Variants in TTN observed in about 807,000 individuals in gnomAD.
TTN encodes connectin.
A neutral mutation model predicts 3,223.0 loss-of-function variants in TTN; 1,525 were observed. The observed-to-expected ratio is 0.47, with a 90% CI of 0.45 to 0.49. The LOEUF (loss-of-function observed/expected upper bound fraction) is 0.49, where lower values mean the gene tolerates loss of function less well. TTN is among the 20% of genes least tolerant of loss of function. The pLI is 0.00. For missense variants in TTN, 40,786 were observed against 43,424.0 expected (o/e 0.94, Z 5.40); for synonymous variants, 14,094 against 15,161.0 (o/e 0.93, Z 5.17).
chr2:178,769,464 G>T (rs2091119383), intron 37 of TTN, among the ~76,000 whole-genome samples: 1 of 150,986 alleles, frequency 6.6e-6, no homozygotes. Context: ...GGATCTCATT[G>T]TATTTCCCAG....
Position 178,539,119 on chromosome 2 carries a change from G to A in TTN, c.98816C>T (p.Thr32939Ile), listed in dbSNP as rs1559083229. The change falls in exon 353 of 363, where the codon ACA (threonine) becomes ATA (isoleucine). Residue 32939 changes from threonine to isoleucine, a missense_variant. By Grantham distance (89) the Thr-to-Ile change is moderately conservative. Coordinates refer to ENST00000589042, the MANE Select transcript of TTN (RefSeq NM_001267550.2). ...VTGYYIERKE[T>I]STDKWVRHNK... The stretch of plus-strand genomic sequence containing the variant: ...GTGTCTGACCCACTTGTCAGTGGAT[G>A]TCTCTTTGCGTTCGATGTAGTAGCC... 2.5e-6 allele frequency: 4 copies of A among 1,613,808 alleles called. No homozygotes were observed. Among genetic ancestry groups the A allele is most frequent in the South Asian group, 1.1e-5 (1 of 91,088 alleles).
rs760422669 is a variant in TTN at position 178,593,010 on chromosome 2, T to A, written c.59109A>T (p.Pro19703=). The change falls in exon 300 of 363, where the codon CCA becomes CCT. Residue 19703 remains proline (P), a synonymous_variant. Transcript: ENST00000589042. Reference sequence around the variant, plus strand: ...TCTTGCTCCCACCATCATGACGTGGTGGCTGCCAAGTTAGATCGACTGAAT... The same window carrying A: ...TCTTGCTCCCACCATCATGACGTGGAGGCTGCCAAGTTAGATCGACTGAAT... The part of the protein sequence containing the change: ...TCNSVDLTWQ[P]PRHDGGSKIL... 15 of 1,613,494 alleles carry A rather than the reference T, an allele frequency of 9.3e-6. No individual in the cohort carries two copies. Among genetic ancestry groups the A allele is most frequent in the Non-Finnish European group, 1.3e-5 (15 of 1,179,630 alleles).
chr2:178,718,996 G>A (rs747949357), intron 83 of TTN, 23 bp from the exon 84 acceptor site: 1 of 1,555,082 alleles, frequency 6.4e-7, no homozygotes, highest in Non-Finnish European at 8.7e-7. Context: ...AGGCGGAAGG[G>A]GAGATAAAGA....
chr2:178,609,396 T>C lies in TTN; in HGVS notation c.51914A>G (p.Lys17305Arg). Residue 17305 changes from lysine to arginine, a missense_variant, in exon 273 of 363, where the codon AAG (lysine) becomes AGG (arginine). Physicochemically the swap from Lys to Arg is conservative, Grantham distance 26. Transcript: ENST00000589042. ...KRAAPLVRRR[K>R]GEVQEEEPFV... ...TGGTTCTTCTTCTTGAACTTCACCC[T>C]TCCTTCTCCTAACCAAGGGTGCTGC... is the stretch of plus-strand genomic sequence containing the variant. The C allele has an allele frequency of 6.2e-7, 1 of 1,612,330 alleles. No homozygotes were observed. The highest frequency in any genetic ancestry group is 8.5e-7 in the Non-Finnish European group (1 of 1,179,026).
Position 178,732,246 on chromosome 2 carries a change from T to A in TTN, c.16723A>T (p.Ile5575Leu). 2 of 1,613,844 alleles carry A rather than the reference T, an allele frequency of 1.2e-6. No individual in the cohort carries two copies. The highest frequency in any genetic ancestry group is 1.7e-6 in the Non-Finnish European group (2 of 1,179,780). ...CKVTGTPPIKITWFANDREIK... is the reference protein window; with the variant it reads ...CKVTGTPPIKLTWFANDREIK... ...TCTCTATCATTTGCAAACCATGTTA[T>A]TTTAATTGGAGGGGTACCAGTTACT... The change falls in exon 57 of 363, where the codon ATA becomes TTA. Residue 5575 changes from isoleucine to leucine, a missense_variant. Transcript: ENST00000589042.
intron 47 of TTN, chr2:178,746,130 T>C (rs779988596): frequency 1.9e-6 from 3 of 1,613,326 alleles, no homozygotes; most frequent in Non-Finnish European, 2.5e-6. Context: ...TATTTAATAT[T>C]ATCTGGCTCA....
At chr2:178,756,146 T>C (rs1198227127) in intron 46 of TTN, 76 bp downstream of exon 46, 3 of 1,106,554 alleles carry the variant, frequency 2.7e-6, no homozygotes, top group Non-Finnish European at 3.9e-6. Flanking sequence ...ATTCGTCGAT[T>C]GAATTTGCAT....
rs1349281831 is a variant in TTN, at chr2:178,766,481, T to G, written c.9603A>C (p.Arg3201Ser). Residue 3201 changes from arginine (R) to serine (S), a missense_variant, in exon 41 of 363, where the codon AGA (arginine) becomes AGC (serine). Coordinates refer to ENST00000589042, the MANE Select transcript of TTN (RefSeq NM_001267550.2). Reference sequence around the variant, plus strand: ...TCTCAGAGATAAACATTCGGTGGATTCTTCTTTCCACTACATATTTGTGTC... The same window carrying G: ...TCTCAGAGATAAACATTCGGTGGATGCTTCTTTCCACTACATATTTGTGTC... ...QERHKYVVER[R>S]IHRMFISETR... is the part of the protein sequence containing the mutation. 6.2e-7 allele frequency: 1 copy of G among 1,614,138 alleles called. No homozygotes were observed. Among genetic ancestry groups the G allele is most frequent in the Admixed American group, 1.7e-5 (1 of 60,022 alleles).
In TTN at chr2:178,698,916, TAAAAAAAAAA is replaced by T; in HGVS notation, c.30683-12_30683-3del. ...CTTTCTTCACAGCCTTTTTGGTAAC[TAAAAAAAAAA>T]AAAAAGAAAAAAAAAGAAAAAATAT... On this transcript the variant is annotated splice_polypyrimidine_tract_variant and splice_region_variant and intron_variant, in intron 111 of 362. Coordinates refer to ENST00000589042, the MANE Select transcript of TTN (RefSeq NM_001267550.2). The T allele has an allele frequency of 3.0e-6, 4 of 1,313,996 alleles. No homozygotes were observed. Among genetic ancestry groups the T allele is most frequent in the South Asian group, 1.6e-5 (1 of 63,810 alleles). 81.4% of individuals were successfully genotyped at this position (1,313,996 alleles called of 1,614,324 possible).
rs1060500498 is a variant in TTN at position 178,570,807 on chromosome 2, G to A, written c.75325C>T (p.Pro25109Ser). Reference protein sequence around the residue: ...AITARDEVDPPRISMDPKYKD... With the variant: ...AITARDEVDPSRISMDPKYKD... Reference sequence around the variant, plus strand: ...TATTTTGGATCCATACTTATTCGTGGTGGATCTACCTCATCTCTAGCTGTT... The same window carrying A: ...TATTTTGGATCCATACTTATTCGTGATGGATCTACCTCATCTCTAGCTGTT... Residue 25109 changes from proline (P) to serine (S), a missense_variant, in exon 326 of 363, where the codon CCA becomes TCA. Coordinates refer to ENST00000589042, the MANE Select transcript of TTN (RefSeq NM_001267550.2). 6.2e-7 allele frequency: 1 copy of A among 1,613,490 alleles called. No homozygotes were observed. Among genetic ancestry groups the A allele is most frequent in the African/African-American group, 1.3e-5 (1 of 74,964 alleles).
At chr2:178,637,949 T>C (rs1169046315) in intron 223 of TTN, among the ~76,000 whole-genome samples, 1 of 152,010 alleles carries the variant, frequency 6.6e-6, no homozygotes, top group Non-Finnish European at 1.5e-5. Flanking sequence ...CTTTAGACAA[T>C]GAAGTAAGGC....
chr2:178,624,597 T>A lies in TTN; in HGVS notation c.44683A>T (p.Ser14895Cys). The A allele has an allele frequency of 6.2e-7, 1 of 1,612,710 alleles. No homozygotes were observed. Among genetic ancestry groups the A allele is most frequent in the African/African-American group, 1.3e-5 (1 of 74,964 alleles). ...TCAGCAACAATTTCATACTTCTTGCTTTTGAGGATTTCTGTCCCATTTTTG... is the reference window on the plus strand; with the variant it reads ...TCAGCAACAATTTCATACTTCTTGCATTTGAGGATTTCTGTCCCATTTTTG... ...WFKNGTEILK[S>C]KKYEIVADGR... The change falls in exon 242 of 363, where the codon AGC (serine) becomes TGC (cysteine). Residue 14895 changes from serine to cysteine, a missense_variant. Coordinates refer to ENST00000589042, the MANE Select transcript of TTN (RefSeq NM_001267550.2).
intron 24 of TTN, 30 bp from the exon 25 acceptor site, chr2:178,778,005 T>C: frequency 6.2e-7 from 1 of 1,608,212 alleles, no homozygotes; most frequent in Non-Finnish European, 8.5e-7. Context: ...AATACTTTCG[T>C]GAGGCATAAA....
At chr2:178,579,460 C>G in intron 319 of TTN, 67 bp from the exon 320 acceptor site, 1 of 1,566,870 alleles carries the variant, frequency 6.4e-7, no homozygotes, top group Non-Finnish European at 8.6e-7. Flanking sequence ...TCAAATAGTT[C>G]TAGCTTTTAA....
chr2:178,791,042 G>A (rs137865061), intron 10 of TTN, among the ~76,000 whole-genome samples, 197 bp from the exon 11 acceptor site: 2 of 152,246 alleles, frequency 1.3e-5, no homozygotes, highest in African/African-American at 2.4e-5. Flanking sequence ...CTGCCCACAT[G>A]CGCCTTAGCA....
intron 47 of TTN, chr2:178,747,860 A>G: frequency 6.2e-7 from 1 of 1,612,910 alleles, no homozygotes; most frequent in Non-Finnish European, 8.5e-7. Flanking sequence ...GTTTGTACTT[A>G]TTTGTTCACC....
In TTN at chr2:178,619,801, C is replaced by A. The variant is rs755611206; in HGVS notation, c.46516G>T (p.Asp15506Tyr). The A allele has an allele frequency of 6.2e-7, 1 of 1,612,298 alleles. No individual in the cohort carries two copies. ...DVVFLAELNKDKVEVQWLRNN... is the reference protein window; with the variant it reads ...DVVFLAELNKYKVEVQWLRNN... ...CTTAGCCATTGGACTTCCACCTTAT[C>A]TTTATTGAGTTCTGCTAAAAAGACA... Residue 15506 changes from aspartate to tyrosine, a missense_variant, in exon 250 of 363, where the codon GAT (aspartate) becomes TAT (tyrosine). Transcript: ENST00000589042.
rs1266341288 is a variant in TTN, at chr2:178,536,017, C to A, written c.100730G>T (p.Gly33577Val). ...VYQVRATNQG[G>V]SVSGTASLEV... ...CAAGGAGGCAGTGCCAGACACAGAT[C>A]CCCCTTGGTTGGTAGCTCTGACTTG... Residue 33577 changes from glycine to valine, a missense_variant, in exon 357 of 363, where the codon GGA becomes GTA. Transcript: ENST00000589042. 2.6e-6 allele frequency: 4 copies of A among 1,555,848 alleles called. No individual in the cohort carries two copies. The highest frequency in any genetic ancestry group is 1.9e-5 in the Admixed American group (1 of 52,444).
At chr2:178,694,229 T>G (rs562822081) in intron 117 of TTN, among the ~76,000 whole-genome samples, 2 of 152,230 alleles carry the variant, frequency 1.3e-5, no homozygotes, top group African/African-American at 2.4e-5. Flanking sequence ...GAGAATCAAA[T>G]AGACACAACT....
Sources: gnomAD v4.1 joint callset for allele counts (sites outside exome capture counted in the v4.1 genomes callset) on GRCh38, gnomAD v4.1.1 for gene constraint, MANE v1.5 for transcripts, NCBI Gene and HGNC (gene_info 2026-07-23, HGNC 2026-07-21) for gene names.